KLF9: variants seen among roughly 807,000 people sequenced by gnomAD.
KLF9 encodes the protein Krueppel-like factor 9.
A neutral mutation model predicts 17.3 loss-of-function variants in KLF9; 2 were observed. That is an observed-to-expected ratio of 0.12 (90% CI 0.05 to 0.36). The LOEUF (loss-of-function observed/expected upper bound fraction) is 0.36. Among genes scored for constraint, KLF9 ranks in the 10% least tolerant of loss-of-function variants. The pLI, the probability that KLF9 is intolerant of heterozygous loss-of-function variation, is 1.00. For synonymous variants in KLF9, 138 were observed against 139.2 expected, an observed-to-expected ratio of 0.99 and a Z score of 0.06; for missense variants, 226 against 333.2, an observed-to-expected ratio of 0.68 and a Z score of 2.51.
In KLF9 at chr9:70,412,976, C is replaced by T; in HGVS notation, c.388G>A (p.Gly130Arg). The T allele has an allele frequency of 1.9e-6, 3 of 1,614,168 alleles. No individual in the cohort carries two copies. The highest frequency in any genetic ancestry group is 1.3e-5 in the African/African-American group (1 of 75,038). ...GCGTGTTTCCCCTTCGCAGCCACTC[C>T]AGGATGGAGGAGGGAGAGCGGGCTG... ...APSPLSLLHP[G>R]VAAKGKHASE... Residue 130 changes from glycine to arginine, a missense_variant, in exon 1 of 2, where the codon GGA (glycine) becomes AGA (arginine). Transcript: ENST00000377126.
chr9:70,407,965 G>A (rs1279100570), intron 1 of KLF9, among the ~76,000 whole-genome samples: 2 of 152,120 alleles, frequency 1.3e-5, no homozygotes, highest in African/African-American at 4.8e-5. Flanking sequence ...CATCTCCCAG[G>A]GGGCAAAAAT....
chr9:70,404,687 A>G (rs961421910), intron 1 of KLF9, among the ~76,000 whole-genome samples: 1 of 152,208 alleles, frequency 6.6e-6, no homozygotes, highest in Non-Finnish European at 1.5e-5. Context: ...CAAAAATTCT[A>G]GGAATCAAGG....
At position 70,386,937 on chromosome 9, in the gene KLF9, C is replaced by G. The variant is rs2037114029; in HGVS notation, c.*839G>C. On this transcript the variant is annotated 3_prime_UTR_variant, in exon 2 of 2. Transcript: ENST00000377126. ...CAAACAGAACATCTGCTTCTATCCT[C>G]AAAGCATGTATTTAACTTATTCATC... The G allele has an allele frequency of 2.0e-5, 3 of 152,578 alleles. No individual in the cohort carries two copies. Among genetic ancestry groups the G allele is most frequent in the Non-Finnish European group, 4.4e-5 (3 of 68,024 alleles). The allele number at this position is 152,578 out of a possible 1,614,324, so 9.5% of individuals were successfully genotyped here.
At chr9:70,396,197 C>A (rs1166448126) in intron 1 of KLF9, among the ~76,000 whole-genome samples, 2 of 152,102 alleles carry the variant, frequency 1.3e-5, no homozygotes, top group African/African-American at 4.8e-5. Context: ...TGGCAATATT[C>A]TCCTGCAGAT....
intron 1 of KLF9, among the ~76,000 whole-genome samples, chr9:70,389,653 C>T (rs2037140127): frequency 6.6e-6 from 1 of 152,204 alleles, no homozygotes; most frequent in African/African-American, 2.4e-5. Flanking sequence ...TGCTCCCCAC[C>T]CCACAAGATG....
intron 1 of KLF9, among the ~76,000 whole-genome samples, chr9:70,404,215 A>G: frequency 6.6e-6 from 1 of 152,218 alleles, no homozygotes; most frequent in East Asian, 1.9e-4. Flanking sequence ...AGAAATTGTC[A>G]TTATTATCAC....
chr9:70,388,822 A>T (rs2037132435), intron 1 of KLF9, among the ~76,000 whole-genome samples: 1 of 152,132 alleles, frequency 6.6e-6, no homozygotes, highest in Non-Finnish European at 1.5e-5. Context: ...GCCATACTTT[A>T]AGTCATATTG....
chr9:70,390,677 GTCC>G (rs1263159960), intron 1 of KLF9, among the ~76,000 whole-genome samples: 6 of 150,684 alleles, frequency 4.0e-5, no homozygotes, highest in Non-Finnish European at 7.4e-5. Flanking sequence ...TCTCTCTCTC[GTCC>G]TCCTCCTGGT....
chr9:70,406,949 C>A (rs533862093), intron 1 of KLF9, among the ~76,000 whole-genome samples: 4 of 143,662 alleles, frequency 2.8e-5, no homozygotes, highest in Non-Finnish European at 4.5e-5. Context: ...CTAACAAATG[C>A]GACAAAGCTT....
At position 70,384,825 on chromosome 9, in the gene KLF9, C is replaced by T. The variant is rs1171332460; in HGVS notation, c.*2951G>A. On this transcript the variant is annotated 3_prime_UTR_variant, in exon 2 of 2. Coordinates refer to ENST00000377126, the MANE Select transcript of KLF9 (RefSeq NM_001206.4). The stretch of plus-strand genomic sequence containing the variant: ...ATGTGAAAGAACATCTCAATCTATC[C>T]GAGTGATGAGTACTGTGCTAAATCT... The T allele has an allele frequency of 1.3e-5, 2 of 152,534 alleles. No homozygotes were observed. The highest frequency in any genetic ancestry group is 2.9e-5 in the Non-Finnish European group (2 of 68,008). The allele number at this position is 152,534 out of a possible 1,614,324, so 9.4% of individuals were successfully genotyped here.
At chr9:70,389,148 A>G (rs552496749) in intron 1 of KLF9, among the ~76,000 whole-genome samples, 1 of 150,150 alleles carries the variant, frequency 6.7e-6, no homozygotes, top group South Asian at 2.1e-4. Context: ...CTCAAAAAGA[A>G]AAAAAAAAAA....
rs975641388 is a variant in KLF9, at chr9:70,413,447, C to T, written c.-84G>A. 5.4e-5 allele frequency: 68 copies of T among 1,270,758 alleles called. 4 individuals are homozygous for T. In the South Asian group the frequency reaches 1.7e-3, roughly 32 times the overall value. The allele number at this position is 1,270,758 out of a possible 1,614,324, so 78.7% of individuals were successfully genotyped here. A position where few individuals can be genotyped will look rare whatever the true frequency, so the allele number is the denominator to read the frequency against. Reference sequence around the variant, plus strand: ...CGGCTCGCCCTGCCCTGGCCTCGGACGACGAGCGCGGCGCGGCGCGGCACG... The same window carrying T: ...CGGCTCGCCCTGCCCTGGCCTCGGATGACGAGCGCGGCGCGGCGCGGCACG... On this transcript the variant is annotated 5_prime_UTR_variant, in exon 1 of 2. Coordinates refer to ENST00000377126, the MANE Select transcript of KLF9 (RefSeq NM_001206.4). The surrounding 1 kb of genome is among the most constrained non-coding windows in gnomAD (Gnocchi z 5.6).
chr9:70,406,688 G>A (rs997216550), intron 1 of KLF9, among the ~76,000 whole-genome samples: 1 of 151,998 alleles, frequency 6.6e-6, no homozygotes, highest in Non-Finnish European at 1.5e-5. Context: ...TCCTTTCTGC[G>A]TGTGTTGCAT....
At chr9:70,412,391 G>A (rs1241853915) in intron 1 of KLF9, among the ~76,000 whole-genome samples, 4 of 152,116 alleles carry the variant, frequency 2.6e-5, no homozygotes, top group Non-Finnish European at 4.4e-5. Flanking sequence ...AGTTAAATGA[G>A]TCCTTAGTCA....
intron 1 of KLF9, among the ~76,000 whole-genome samples, chr9:70,402,415 A>G (rs919528539): frequency 2.0e-5 from 3 of 152,260 alleles, no homozygotes; most frequent in African/African-American, 7.2e-5. Context: ...GGGAACTGCC[A>G]TATAAACAGC....
At chr9:70,392,881 G>A (rs2037161093) in intron 1 of KLF9, among the ~76,000 whole-genome samples, 1 of 152,124 alleles carries the variant, frequency 6.6e-6, no homozygotes, top group South Asian at 2.1e-4. Flanking sequence ...CCATCCTCCT[G>A]GGGATAGGGA....
intron 1 of KLF9, among the ~76,000 whole-genome samples, chr9:70,409,129 T>C: frequency 1.3e-5 from 1 of 79,024 alleles, no homozygotes; most frequent in African/African-American, 3.4e-5. Flanking sequence ...TATGTATATA[T>C]GTATACATAT....
At chr9:70,396,235 TTAGA>T (rs536428346) in intron 1 of KLF9, among the ~76,000 whole-genome samples, 65 of 152,226 alleles carry the variant, frequency 4.3e-4, no homozygotes, top group African/African-American at 1.5e-3. Context: ...TTGATAATAA[TTAGA>T]TAGAGACATG....
In KLF9 at chr9:70,387,832, C is replaced by T. The variant is rs1446509818; in HGVS notation, c.679G>A (p.Glu227Lys). The change falls in exon 2 of 2, where the codon GAG becomes AAG. Residue 227 changes from glutamate to lysine, a missense_variant. By Grantham distance (56) the Glu-to-Lys change is moderately conservative. Coordinates refer to ENST00000377126, the MANE Select transcript of KLF9 (RefSeq NM_001206.4). ...CGCTTGATCATGCTGGGGTGGAACTCGGTGTGCCGCCGGGCGTGCTTTGTG... is the reference window on the plus strand; with the variant it reads ...CGCTTGATCATGCTGGGGTGGAACTTGGTGTGCCGCCGGGCGTGCTTTGTG... ...HLTKHARRHT[E>K]FHPSMIKRSK... is the part of the protein sequence containing the mutation. 2 of 1,613,922 alleles carry T rather than the reference C, an allele frequency of 1.2e-6. No individual in the cohort carries two copies. The highest frequency in any genetic ancestry group is 8.5e-7 in the Non-Finnish European group (1 of 1,180,028).
Sources: gnomAD v4.1 joint callset for allele counts (sites outside exome capture counted in the v4.1 genomes callset) on GRCh38, gnomAD v4.1.1 for gene constraint, Gnocchi (gnomAD v3.1) non-coding constraint, MANE v1.5 for transcripts, NCBI Gene and HGNC (gene_info 2026-07-23, HGNC 2026-07-21) for gene names.